DAPK2: variants seen among roughly 807,000 people sequenced by gnomAD.
The protein encoded by DAPK2 is death associated protein kinase 2.
In DAPK2, 35 loss-of-function variants were observed where a neutral mutation model predicts 44.1. The ratio of observed to expected loss-of-function variants is 0.79; its 90% confidence interval spans 0.61 to 1.05. DAPK2 has a LOEUF of 1.05. Among genes scored for constraint, DAPK2 ranks in the 50% least tolerant of loss-of-function variants. The probability of loss-of-function intolerance (pLI) is 0.00; values close to 1 mark genes in which losing one functional copy is unlikely to be tolerated. For missense variants in DAPK2, 453 were observed against 483.2 expected (o/e 0.94, Z 0.59); for synonymous variants, 174 against 182.6 (o/e 0.95, Z 0.38).
At chr15:63,969,893 A>C (rs1239530088) in intron 3 of DAPK2, among the ~76,000 whole-genome samples, 1 of 152,184 alleles carries the variant, frequency 6.6e-6, no homozygotes, top group Admixed American at 6.5e-5. Flanking sequence ...CCACTGTGAG[A>C]TAATGGACAT....
In DAPK2 at chr15:63,916,822, A is replaced by AT. The variant is rs1260669009; in HGVS notation, c.859-4626dup. 1.3e-5 allele frequency: 2 copies of AT among 152,150 alleles called. No individual in the cohort carries two copies. Among genetic ancestry groups the AT allele is most frequent in the African/African-American group, 4.8e-5 (2 of 41,418 alleles). 9.4% of individuals were successfully genotyped at this position (152,150 alleles called of 1,614,324 possible). ...TATGGGACCATCAGTTTTCTGAGCA[A>AT]TTTTTTGTCCCCAGGAAAAGCTTCA... On this transcript the variant is annotated intron_variant, in intron 8 of 10. Coordinates refer to ENST00000261891, the Ensembl canonical transcript of DAPK2. The surrounding 1 kb of genome is among the most constrained non-coding windows in gnomAD (Gnocchi z 4.7).
rs1250333351 is a variant in DAPK2, at chr15:63,930,317, A to G, written c.632+90T>C. On this transcript the variant is annotated intron_variant, in intron 5 of 10. Coordinates refer to ENST00000261891, the Ensembl canonical transcript of DAPK2. ...AGTGAGTGTGGAGTAAGGGGCTTTC[A>G]TGGTTAAGCGGATGTCACCTGGAGC... is the stretch of plus-strand genomic sequence containing the variant. 4 of 1,263,020 alleles carry G rather than the reference A, an allele frequency of 3.2e-6. No homozygotes were observed. The Admixed American group carries it at 6.8e-5, about 21-fold the overall frequency. 78.2% of individuals were successfully genotyped at this position (1,263,020 alleles called of 1,614,324 possible).
chr15:64,000,666 G>A (rs1308485794), intron 1 of DAPK2, among the ~76,000 whole-genome samples: 1 of 152,142 alleles, frequency 6.6e-6, no homozygotes, highest in Non-Finnish European at 1.5e-5. Flanking sequence ...TGATGCTGGG[G>A]GTGGGGAGAA....
intron 1 of DAPK2, among the ~76,000 whole-genome samples, chr15:64,029,214 A>T (rs1046627319): frequency 1.3e-4 from 20 of 150,124 alleles, no homozygotes; most frequent in African/African-American, 4.4e-4. Context: ...AGCGATTTGC[A>T]CTGTGTGCTG....
chr15:63,946,390 C>G (rs1238583983), intron 3 of DAPK2, among the ~76,000 whole-genome samples: 1 of 152,258 alleles, frequency 6.6e-6, no homozygotes, highest in Non-Finnish European at 1.5e-5. Context: ...CAAATCCCAG[C>G]TCTGCTGTTC....
chr15:63,971,652 G>A, intron 2 of DAPK2, 91 bp from the exon 4 acceptor site: 2 of 1,418,660 alleles, frequency 1.4e-6, no homozygotes, highest in South Asian at 2.6e-5. Flanking sequence ...CCCTCATCCT[G>A]ACCCCCCAGG....
chr15:63,930,553 C>G (rs764821079), intron 4 of DAPK2, 98 bp from the exon 6 acceptor site: 5 of 1,110,724 alleles, frequency 4.5e-6, no homozygotes, highest in Non-Finnish European at 6.8e-6. Flanking sequence ...ATATCTCCAT[C>G]CTGAATCTCC....
At chr15:64,011,203 G>T (rs561272263) in intron 1 of DAPK2, among the ~76,000 whole-genome samples, 1 of 152,282 alleles carries the variant, frequency 6.6e-6, no homozygotes, top group South Asian at 2.1e-4. Context: ...CCCCAACTAC[G>T]TGACTTCTGG....
intron 3 of DAPK2, among the ~76,000 whole-genome samples, chr15:63,951,964 G>A (rs2077599791): frequency 6.6e-6 from 1 of 152,230 alleles, no homozygotes; most frequent in African/African-American, 2.4e-5. Context: ...ACAGGGCCAG[G>A]CGTGCTGGCT....
intron 2 of DAPK2, among the ~76,000 whole-genome samples, chr15:63,973,501 T>C (rs2078268252): frequency 6.6e-6 from 1 of 152,266 alleles, no homozygotes; most frequent in Non-Finnish European, 1.5e-5. Flanking sequence ...TGGGAATGTG[T>C]ATCCTCTGCC....
At position 64,034,431 on chromosome 15, in the gene DAPK2, C is replaced by T. The variant is rs556289052; in HGVS notation, c.92+5739G>A. Among the ~76,000 whole-genome samples, 5 of 152,274 alleles carry T rather than the reference C, an allele frequency of 3.3e-5. No homozygotes were observed. The East Asian group carries it at 9.6e-4, about 29-fold the overall frequency. On this transcript the variant is annotated intron_variant, in intron 1 of 10. Transcript: ENST00000261891. ...GGCTGAGGGTTTAGTGCAGAGGCTC[C>T]TTCCCCCGCCGAAGTCTCTCATCCC... is the stretch of plus-strand genomic sequence containing the variant.
In DAPK2 at chr15:64,002,916, C is replaced by CTGTGTGTGTGTGTGTGTG. The variant is rs3056849; in HGVS notation, c.93-19180_93-19163dup. On this transcript the variant is annotated intron_variant, in intron 1 of 10. Transcript: ENST00000261891. ...AGGGAGGGAGAGAAAGACTGAGACA[C>CTGTGTGTGTGTGTGTGTG]TGTGTGTGTGTGTGTGTGTGTGTGT... Among the ~76,000 whole-genome samples, 53 of 86,138 alleles carry CTGTGTGTGTGTGTGTGTG rather than the reference C, an allele frequency of 6.2e-4. 2 individuals are homozygous for CTGTGTGTGTGTGTGTGTG. The highest frequency in any genetic ancestry group is 6.8e-3 in the Middle Eastern group (1 of 148). The allele number at this position is 86,138 out of a possible 152,430, so 56.5% of individuals were successfully genotyped here.
chr15:64,036,560 T>C (rs1436267032), intron 1 of DAPK2, among the ~76,000 whole-genome samples: 1 of 151,734 alleles, frequency 6.6e-6, no homozygotes, highest in East Asian at 1.9e-4. Flanking sequence ...TGATTCCTTT[T>C]GCCGTTTTGA....
At chr15:63,953,972 T>C (rs1204941859) in intron 3 of DAPK2, among the ~76,000 whole-genome samples, 3 of 152,180 alleles carry the variant, frequency 2.0e-5, no homozygotes, top group African/African-American at 7.2e-5. Flanking sequence ...TTTCCTGTGA[T>C]GCTGATTTTG....
chr15:63,942,217 A>AC, intron 3 of DAPK2: 5 of 985,404 alleles, frequency 5.1e-6, no homozygotes, highest in Non-Finnish European at 6.0e-6. Context: ...CCTCTGTGGC[A>AC]CACAGTCCAG....
chr15:64,007,107 G>GC (rs1455500427), intron 1 of DAPK2, among the ~76,000 whole-genome samples: 1 of 151,774 alleles, frequency 6.6e-6, no homozygotes, highest in Non-Finnish European at 1.5e-5. Context: ...ACAAATGTGT[G>GC]CCAACCTCTC....
intron 1 of DAPK2, among the ~76,000 whole-genome samples, chr15:64,022,387 G>C (rs2079708853): frequency 6.6e-6 from 1 of 152,216 alleles, no homozygotes; most frequent in Non-Finnish European, 1.5e-5. Context: ...TTCCTAAAGA[G>C]AGCATTAGCC....
rs2078791629 is a variant in DAPK2, at chr15:63,990,579, C to G, written c.93-6825G>C. The stretch of plus-strand genomic sequence containing the variant: ...GTAGAGCTGCATAGAACGCAGGGCC[C>G]CAGCCAAGGGACAAGATGCCACCAG... On this transcript the variant is annotated intron_variant, in intron 1 of 10. Coordinates refer to ENST00000261891, the Ensembl canonical transcript of DAPK2. The surrounding 1 kb of genome is among the most constrained non-coding windows in gnomAD (Gnocchi z 4.3). 6.6e-6 allele frequency among the ~76,000 whole-genome samples: 1 copy of G among 152,176 alleles called. No homozygotes were observed. The highest frequency in any genetic ancestry group is 6.5e-5 in the Admixed American group (1 of 15,282).
chr15:64,032,855 G>C (rs904090927), intron 1 of DAPK2, among the ~76,000 whole-genome samples: 1 of 152,076 alleles, frequency 6.6e-6, no homozygotes, highest in African/African-American at 2.4e-5. Context: ...GAAGGCTGAG[G>C]TGGGTGGATC....
Sources: allele counts gnomAD v4.1 joint callset (sites outside exome capture counted in the v4.1 genomes callset), GRCh38; gene constraint gnomAD v4.1.1; non-coding constraint Gnocchi (gnomAD v3.1); transcripts MANE v1.5; gene names NCBI Gene and HGNC (gene_info 2026-07-23, HGNC 2026-07-21).